Variants in CAMK2B observed in about 807,000 individuals in gnomAD.
CAMK2B encodes the protein calcium/calmodulin-dependent protein kinase type II subunit beta.
In CAMK2B, 27 loss-of-function variants were observed where a neutral mutation model predicts 93.7. The observed-to-expected ratio is 0.29, with a 90% CI of 0.21 to 0.40. CAMK2B has a LOEUF of 0.40. Ranked by LOEUF, CAMK2B falls within the 10% of genes least tolerant of loss-of-function variation. The pLI, the probability that CAMK2B is intolerant of heterozygous loss-of-function variation, is 1.00. For missense variants in CAMK2B, 568 were observed against 895.8 expected, an observed-to-expected ratio of 0.63 and a Z score of 4.67; for synonymous variants, 374 against 358.8, an observed-to-expected ratio of 1.04 and a Z score of -0.48.
At chr7:44,236,270 G>A (rs1312364863) in intron 13 of CAMK2B, among the ~76,000 whole-genome samples, 2 of 152,116 alleles carry the variant, frequency 1.3e-5, no homozygotes, top group East Asian at 3.9e-4. Flanking sequence ...GCTCTGTGGG[G>A]ACTGGGGTTG....
At chr7:44,243,161 C>A in intron 8 of CAMK2B, 89 bp downstream of exon 8, 1 of 959,622 alleles carries the variant, frequency 1.0e-6, no homozygotes, top group Admixed American at 2.0e-5. Flanking sequence ...GAGAGCAAGA[C>A]GTGCTGGCCA....
At chr7:44,232,468 G>A (rs1385645739) in intron 16 of CAMK2B, among the ~76,000 whole-genome samples, 1 of 152,154 alleles carries the variant, frequency 6.6e-6, no homozygotes, top group Non-Finnish European at 1.5e-5. Flanking sequence ...GTGGGGTGGA[G>A]GACAGCCAGG....
Position 44,226,651 on chromosome 7 carries a change from C to A in CAMK2B, c.1469-7G>T. On this transcript the variant is annotated splice_polypyrimidine_tract_variant and splice_region_variant and intron_variant, in intron 19 of 23. Coordinates refer to ENST00000395749, the MANE Select transcript of CAMK2B (RefSeq NM_001220.5). ...ATGTCAGAGATCCTGGGGGCTGGGG[C>A]GGAACAGACGAGACGTGAACACAAG... The A allele has an allele frequency of 1.3e-6, 2 of 1,532,090 alleles. No homozygotes were observed. Among genetic ancestry groups the A allele is most frequent in the Admixed American group, 2.3e-5 (1 of 43,968 alleles). The allele number at this position is 1,532,090 out of a possible 1,614,324, so 94.9% of individuals were successfully genotyped here.
intron 1 of CAMK2B, among the ~76,000 whole-genome samples, chr7:44,317,851 G>A (rs1451373845): frequency 6.6e-6 from 1 of 152,176 alleles, no homozygotes; most frequent in Non-Finnish European, 1.5e-5. Context: ...AGGGTTATAT[G>A]AAGGAGTGTG....
chr7:44,322,163 C>A, intron 1 of CAMK2B, among the ~76,000 whole-genome samples: 1 of 152,332 alleles, frequency 6.6e-6, no homozygotes, highest in East Asian at 1.9e-4. Context: ...AGCCTGCGAT[C>A]AAACACATCG....
At chr7:44,263,109 T>C (rs369137794) in intron 2 of CAMK2B, 45 bp from the exon 3 acceptor site, 12 of 1,587,428 alleles carry the variant, frequency 7.6e-6, no homozygotes, top group Non-Finnish European at 1.0e-5. Flanking sequence ...CGCCAGCAAC[T>C]GGTGGCCCAG....
rs1240673554 is a variant in CAMK2B at position 44,271,174 on chromosome 7, C to T, written c.161-8110G>A. ...CCTCAGTTGATCCGCCCACCTCAGC[C>T]TCCCAAAGTGCTGGGATTACAGGCA... On this transcript the variant is annotated intron_variant, in intron 2 of 23. Coordinates refer to ENST00000395749, the MANE Select transcript of CAMK2B (RefSeq NM_001220.5). This position sits in a 1 kb window ranked among gnomAD's most constrained non-coding sequence, Gnocchi z 4.2. Among the ~76,000 whole-genome samples the T allele has an allele frequency of 6.6e-6, 1 of 152,190 alleles. No homozygotes were observed. Among genetic ancestry groups the T allele is most frequent in the African/African-American group, 2.4e-5 (1 of 41,428 alleles).
At chr7:44,291,201 CTGGGGTTCCGCCAAGTGGGGAGAGTGT>C (rs1282848453) in intron 1 of CAMK2B, among the ~76,000 whole-genome samples, 3 of 152,142 alleles carry the variant, frequency 2.0e-5, no homozygotes, top group Non-Finnish European at 4.4e-5. Context: ...CTCTCTGGCC[CTGGGGTTCCGCCAAGTGGGGAGAGTGT>C]TGGGGTTCCG....
chr7:44,288,498 T>A (rs1785758100), intron 1 of CAMK2B, among the ~76,000 whole-genome samples: 1 of 152,156 alleles, frequency 6.6e-6, no homozygotes, highest in Non-Finnish European at 1.5e-5. Flanking sequence ...CATCTAGACA[T>A]CAAGGTTGCC....
rs753289037 is a variant in CAMK2B, at chr7:44,271,012, G to C, written c.161-7948C>G. 6.6e-6 allele frequency among the ~76,000 whole-genome samples: 1 copy of C among 152,110 alleles called. No homozygotes were observed. Among genetic ancestry groups the C allele is most frequent in the Non-Finnish European group, 1.5e-5 (1 of 68,026 alleles). Reference sequence around the variant, plus strand: ...TGGTTCACTGCAAACTCCACCTCCCGGGTTCAAGTGATTCTCCCATGTCAG... The same window carrying C: ...TGGTTCACTGCAAACTCCACCTCCCCGGTTCAAGTGATTCTCCCATGTCAG... On this transcript the variant is annotated intron_variant, in intron 2 of 23. Coordinates refer to ENST00000395749, the MANE Select transcript of CAMK2B (RefSeq NM_001220.5). This position sits in a 1 kb window ranked among gnomAD's most constrained non-coding sequence, Gnocchi z 4.2.
intron 1 of CAMK2B, among the ~76,000 whole-genome samples, chr7:44,305,598 T>C (rs576197234): frequency 1.3e-5 from 2 of 152,254 alleles, no homozygotes; most frequent in East Asian, 3.9e-4. Context: ...CCTGGGGAGA[T>C]GGACGGGGCA....
intron 1 of CAMK2B, chr7:44,324,039 G>A (rs918166326): frequency 3.3e-5 from 5 of 153,492 alleles, no homozygotes; most frequent in South Asian, 2.1e-4. Flanking sequence ...ATCCAGCATG[G>A]GCTTCTTGCA....
At chr7:44,275,580 G>A (rs768316511) in intron 2 of CAMK2B, among the ~76,000 whole-genome samples, 12 of 152,358 alleles carry the variant, frequency 7.9e-5, no homozygotes, top group Non-Finnish European at 1.5e-4. Flanking sequence ...TTTGTTTTCG[G>A]TATAAGTTTG....
chr7:44,222,218 G>C (rs2096417043), intron 20 of CAMK2B, among the ~76,000 whole-genome samples: 1 of 152,196 alleles, frequency 6.6e-6, no homozygotes, highest in Admixed American at 6.5e-5. Flanking sequence ...AACTCTCCCT[G>C]TGGGGGAAGT....
chr7:44,306,241 T>C (rs563329457), intron 1 of CAMK2B, among the ~76,000 whole-genome samples: 81 of 151,936 alleles, frequency 5.3e-4, no homozygotes, highest in African/African-American at 1.8e-3. Flanking sequence ...TCCCCGTAAA[T>C]CCAGCCTGTC....
intron 1 of CAMK2B, chr7:44,323,833 A>C (rs1471429475): frequency 1.3e-5 from 2 of 157,512 alleles, no homozygotes; most frequent in African/African-American, 4.8e-5. Flanking sequence ...TGGCCAGGAC[A>C]CCTCTGGAGG....
Position 44,316,036 on chromosome 7 carries a change from G to A in CAMK2B, c.65+9321C>T, listed in dbSNP as rs1794753946. 2.0e-5 allele frequency among the ~76,000 whole-genome samples: 3 copies of A among 152,218 alleles called. No individual in the cohort carries two copies. In the South Asian group the frequency reaches 6.2e-4, roughly 32 times the overall value. On this transcript the variant is annotated intron_variant, in intron 1 of 23. Transcript: ENST00000395749. Reference sequence around the variant, plus strand: ...CTATAACTATTTATTTCCAATCTGGGAGCCTTCTATCTCTTTTTCTTGCCT... The same window carrying A: ...CTATAACTATTTATTTCCAATCTGGAAGCCTTCTATCTCTTTTTCTTGCCT...
intron 17 of CAMK2B, 52 bp downstream of exon 17, chr7:44,230,954 C>G: frequency 2.6e-6 from 4 of 1,515,324 alleles, no homozygotes; most frequent in Non-Finnish European, 3.6e-6. Context: ...CCTCAAAGAG[C>G]AACCCAGCAA....
intron 1 of CAMK2B, among the ~76,000 whole-genome samples, chr7:44,287,678 T>C (rs1349342602): frequency 6.6e-6 from 1 of 152,210 alleles, no homozygotes; most frequent in African/African-American, 2.4e-5. Context: ...CCAGTGTTTA[T>C]AAACATTGAG....
Sources: allele counts gnomAD v4.1 joint callset (sites outside exome capture counted in the v4.1 genomes callset), GRCh38; gene constraint gnomAD v4.1.1; non-coding constraint Gnocchi (gnomAD v3.1); transcripts MANE v1.5; gene names NCBI Gene and HGNC (gene_info 2026-07-23, HGNC 2026-07-21).